Variants in SH2B1 observed in about 807,000 individuals in gnomAD.
SH2B1 encodes the protein SH2B adaptor protein 1, also known as SH2B adapter protein 1.
Under a neutral mutation model 62.6 loss-of-function variants are expected in SH2B1, and 15 were observed. The ratio of observed to expected loss-of-function variants is 0.24; its 90% CI spans 0.16 to 0.37. The LOEUF (loss-of-function observed/expected upper bound fraction) is 0.37. Ranked by LOEUF, SH2B1 falls within the 10% of genes least tolerant of loss-of-function variation. The pLI is 1.00. For synonymous variants in SH2B1, 443 were observed against 438.0 expected, an observed-to-expected ratio of 1.01 and a Z score of -0.14; for missense variants, 925 against 1,015.6, an observed-to-expected ratio of 0.91 and a Z score of 1.21.
Position 28,869,044 on chromosome 16 carries a change from T to A in SH2B1, c.1080T>A (p.Asp360Glu), listed in dbSNP as rs773064434. 1 of 1,614,182 alleles carries A rather than the reference T, an allele frequency of 6.2e-7. No individual in the cohort carries two copies. Among genetic ancestry groups the A allele is most frequent in the Admixed American group, 1.7e-5 (1 of 60,016 alleles). The change falls in exon 3 of 8, where the codon GAT becomes GAA. Residue 360 changes from aspartate to glutamate, a missense_variant. This residue lies in a region of SH2B1 where 683 missense variants were observed against 704.0 expected (regional missense o/e 0.97). Transcript: ENST00000684370. ...CCGAGTATATCATGGAGACAGTGGA[T>A]GCCCAGCATGTGAAGGCCTGGGTGT... ...GPSEYIMETV[D>E]AQHVKAWVSD...
chr16:28,873,093 G>A lies in SH2B1; in HGVS notation c.1898-354G>A. 1 of 957,658 alleles carries A rather than the reference G, an allele frequency of 1.0e-6. No individual in the cohort carries two copies. Among genetic ancestry groups the A allele is most frequent in the Non-Finnish European group, 1.5e-6 (1 of 652,712 alleles). The allele number at this position is 957,658 out of a possible 1,614,324, so 59.3% of individuals were successfully genotyped here. A position where few individuals can be genotyped will look rare whatever the true frequency, so the allele number is the denominator to read the frequency against. ...TGATCCCCTTCCCTCCTCCCTCAAT[G>A]TCTCATGTCCCTGTCTGATCTCTCC... On this transcript the variant is annotated intron_variant, in intron 7 of 7. Coordinates refer to ENST00000684370, the MANE Select transcript of SH2B1 (RefSeq NM_001387430.1). This position sits in a 1 kb window ranked among gnomAD's most constrained non-coding sequence, Gnocchi z 4.2.
chr16:28,859,694 C>G (rs778202895), upstream of SH2B1, among the ~76,000 whole-genome samples: 1 of 149,586 alleles, frequency 6.7e-6, no homozygotes, highest in Non-Finnish European at 1.5e-5. Flanking sequence ...GGTGACAGAG[C>G]AAGACCCTGT....
upstream of SH2B1, among the ~76,000 whole-genome samples, chr16:28,859,802 A>G (rs1962397182): frequency 6.6e-6 from 1 of 151,398 alleles, no homozygotes; most frequent in Admixed American, 6.6e-5. Flanking sequence ...ACATTGTTTG[A>G]GCCTCTGGCT....
intron 4 of SH2B1, among the ~76,000 whole-genome samples, chr16:28,869,609 C>G (rs1962920615): frequency 6.6e-6 from 1 of 152,178 alleles, no homozygotes; most frequent in African/African-American, 2.4e-5. Context: ...CTTAGCCAGG[C>G]TTCTGCACCC....
chr16:28,867,156 G>A (rs1409139023), intron 1 of SH2B1, 123 bp downstream of exon 1: 8 of 1,424,946 alleles, frequency 5.6e-6, no homozygotes, highest in Middle Eastern at 1.8e-4. Context: ...ACTTTTTGTT[G>A]GTAAAGCTGG....
rs373149621 is a variant in SH2B1 at position 28,868,296 on chromosome 16, C to T, written c.1042-710C>T. 1.2e-3 allele frequency among the ~76,000 whole-genome samples: 179 copies of T among 152,020 alleles called. 4 individuals carry two copies. The South Asian group carries it at 0.034, about 29-fold the overall frequency. The stretch of plus-strand genomic sequence containing the variant: ...CTGGGACTACTGGCGTCCGCCACCA[C>T]GCCCGGATAATTTTTTTGTATTTTT... On this transcript the variant is annotated intron_variant, in intron 2 of 7. Transcript: ENST00000684370.
Position 28,864,058 on chromosome 16 carries a change from G to T in SH2B1, c.-2037G>T. 7.3e-7 allele frequency: 1 copy of T among 1,365,928 alleles called. No homozygotes were observed. The highest frequency in any genetic ancestry group is 9.5e-7 in the Non-Finnish European group (1 of 1,056,684). 84.6% of individuals were successfully genotyped at this position (1,365,928 alleles called of 1,614,324 possible). On this transcript the variant is annotated 5_prime_UTR_variant, in exon 1 of 8. Transcript: ENST00000684370. ...GGTGGGCGTGGAGGGCCGGGGGCTG[G>T]AGAGGCACTCGGCCCCGGAGAGTGC...
At chr16:28,846,685 G>A (rs1961978492), upstream of SH2B1, 5 of 185,052 alleles carry the variant, frequency 2.7e-5, no homozygotes, top group Admixed American at 2.2e-4. Flanking sequence ...GGAGGGAGGG[G>A]CTCGGGCTCC....
intron 1 of SH2B1, among the ~76,000 whole-genome samples, chr16:28,853,529 T>C (rs1378206375): frequency 6.7e-6 from 1 of 148,588 alleles, no homozygotes; most frequent in African/African-American, 2.5e-5. Context: ...TTTCTTTTTT[T>C]TTTTTTTGTA....
chr16:28,858,416 G>A (rs561184898), intron 1 of SH2B1, among the ~76,000 whole-genome samples: 37 of 152,276 alleles, frequency 2.4e-4, no homozygotes, highest in African/African-American at 8.2e-4. Context: ...GGGAAGTTGA[G>A]GTGGGAGAAT....
At position 28,852,460 on chromosome 16, in the gene SH2B1, T is replaced by TTA. The variant is rs1221106096; in HGVS notation, c.-301+5642_-301+5643dup. 3.5e-5 allele frequency among the ~76,000 whole-genome samples: 3 copies of TTA among 86,692 alleles called. 1 individual carries two copies. The highest frequency in any genetic ancestry group is 3.5e-4 in the Admixed American group (2 of 5,720). The allele number at this position is 86,692 out of a possible 152,430, so 56.9% of individuals were successfully genotyped here. On this transcript the variant is annotated intron_variant, in intron 1 of 10. Transcript: ENST00000322610. ...TTTATATATATATTTACATATATAT[T>TTA]TATATATATACATATATATTTATAT...
chr16:28,873,939 G>T lies in SH2B1; in HGVS notation c.*119G>T. The stretch of plus-strand genomic sequence containing the variant: ...ATGCTTCCTGACCCTTGTTGGCCAA[G>T]GGCATCTTTGATGGTACAAGCAGAG... On this transcript the variant is annotated 3_prime_UTR_variant, in exon 8 of 8. Transcript: ENST00000684370. This position sits in a 1 kb window ranked among gnomAD's most constrained non-coding sequence, Gnocchi z 4.2. 1 of 1,052,942 alleles carries T rather than the reference G, an allele frequency of 9.5e-7. No individual in the cohort carries two copies. Among genetic ancestry groups the T allele is most frequent in the South Asian group, 2.9e-5 (1 of 34,140 alleles). The allele number at this position is 1,052,942 out of a possible 1,614,324, so 65.2% of individuals were successfully genotyped here.
chr16:28,855,800 C>T lies in SH2B1; in HGVS notation c.-300-5818C>T, dbSNP rs1283543755. Among the ~76,000 whole-genome samples the T allele has an allele frequency of 1.4e-4, 20 of 138,208 alleles. 1 individual carries two copies. Among genetic ancestry groups the T allele is most frequent in the Admixed American group, 1.3e-3 (17 of 13,066 alleles). 90.7% of individuals were successfully genotyped at this position (138,208 alleles called of 152,430 possible). A position where few individuals can be genotyped will look rare whatever the true frequency, so the allele number is the denominator to read the frequency against. On this transcript the variant is annotated intron_variant, in intron 1 of 10. Transcript: ENST00000322610. ...GACTACAGGCGCCCGCCAGCACGCC[C>T]GGCTAATTTTTTTTTTTTTTTTTTT...
Position 28,874,031 on chromosome 16 carries a change from A to G in SH2B1, c.*211A>G. Reference sequence around the variant, plus strand: ...CAGGGCAGGGGATTTGGGCTCCATGAGCTCCTTGAGGGGCTCTTCTGGTCA... The same window carrying G: ...CAGGGCAGGGGATTTGGGCTCCATGGGCTCCTTGAGGGGCTCTTCTGGTCA... On this transcript the variant is annotated 3_prime_UTR_variant, in exon 8 of 8. Coordinates refer to ENST00000684370, the MANE Select transcript of SH2B1 (RefSeq NM_001387430.1). 1 of 421,728 alleles carries G rather than the reference A, an allele frequency of 2.4e-6. No homozygotes were observed. Among genetic ancestry groups the G allele is most frequent in the Non-Finnish European group, 4.0e-6 (1 of 249,104 alleles). The allele number at this position is 421,728 out of a possible 1,614,324, so 26.1% of individuals were successfully genotyped here. A position where few individuals can be genotyped will look rare whatever the true frequency, so the allele number is the denominator to read the frequency against.
intron 4 of SH2B1, 97 bp downstream of exon 4, chr16:28,869,480 C>T (rs930217361): frequency 5.2e-6 from 6 of 1,145,764 alleles, no homozygotes; most frequent in African/African-American, 3.1e-5. Context: ...CACTGTGCCC[C>T]CATCCCTGTT....
chr16:28,867,478 G>T, intron 2 of SH2B1, 46 bp downstream of exon 2: 1 of 1,444,146 alleles, frequency 6.9e-7, no homozygotes, highest in South Asian at 1.1e-5. Flanking sequence ...GTGTTAAGGA[G>T]AAAGCCCTCA....
rs1026633324 is a variant in SH2B1 at position 28,856,058 on chromosome 16, C to T, written c.-300-5560C>T. On this transcript the variant is annotated intron_variant, in intron 1 of 10. Transcript: ENST00000322610. ...TTGGGACACCGAGGTGGATGAATCA[C>T]GAGGTCAGGAGTTAAAGACCAGCCT... is the stretch of plus-strand genomic sequence containing the variant. 6.2e-5 allele frequency among the ~76,000 whole-genome samples: 9 copies of T among 144,782 alleles called. No individual in the cohort carries two copies. In the South Asian group the frequency reaches 1.7e-3, roughly 28 times the overall value. The allele number at this position is 144,782 out of a possible 152,430, so 95.0% of individuals were successfully genotyped here. A position where few individuals can be genotyped will look rare whatever the true frequency, so the allele number is the denominator to read the frequency against.
Position 28,873,387 on chromosome 16 carries a change from G to A in SH2B1, c.1898-60G>A. On this transcript the variant is annotated intron_variant, in intron 7 of 7. Coordinates refer to ENST00000684370, the MANE Select transcript of SH2B1 (RefSeq NM_001387430.1). This position sits in a 1 kb window ranked among gnomAD's most constrained non-coding sequence, Gnocchi z 4.2. ...TCCTGGGGGGCTGAGTGAAGGGGAG[G>A]CCACGGCAGGAGCTCACCTGCCTCC... The A allele has an allele frequency of 3.2e-6, 5 of 1,581,434 alleles. No homozygotes were observed. Among genetic ancestry groups the A allele is most frequent in the Non-Finnish European group, 4.3e-6 (5 of 1,173,320 alleles).
rs1468440507 is a variant in SH2B1, at chr16:28,855,890, C to T, written c.-300-5728C>T. Among the ~76,000 whole-genome samples, 5 of 142,460 alleles carry T rather than the reference C, an allele frequency of 3.5e-5. No homozygotes were observed. In the East Asian group the frequency reaches 8.7e-4, roughly 25 times the overall value. The allele number at this position is 142,460 out of a possible 152,430, so 93.5% of individuals were successfully genotyped here. ...CAGGATGGTCTCGATCTCCTGACCT[C>T]GTGATCCGCCGACCTCGTGATCCGC... On this transcript the variant is annotated intron_variant, in intron 1 of 10. Coordinates refer to the SH2B1 transcript ENST00000322610.
Sources: allele counts gnomAD v4.1 joint callset (sites outside exome capture counted in the v4.1 genomes callset), GRCh38; gene constraint gnomAD v4.1.1; regional missense constraint gnomAD v4.1.1; non-coding constraint Gnocchi (gnomAD v3.1); transcripts MANE v1.5; gene names NCBI Gene and HGNC (gene_info 2026-07-23, HGNC 2026-07-21).